NHSL1: variants seen among roughly 807,000 people sequenced by gnomAD.
NHSL1 encodes NHS-like protein 1.
NHSL1 carries 48 observed loss-of-function variants against 95.0 expected under a neutral mutation model. That is an observed-to-expected ratio of 0.51 (90% CI 0.40 to 0.64). The LOEUF (loss-of-function observed/expected upper bound fraction) is 0.64, where lower values mean the gene tolerates loss of function less well. NHSL1 is among the 30% of genes least tolerant of loss of function. NHSL1 has a pLI of 0.00. For missense variants in NHSL1, 1,971 were observed against 2,077.7 expected (o/e 0.95, Z 1.00); for synonymous variants, 783 against 833.9 (o/e 0.94, Z 1.05).
intron 1 of NHSL1, among the ~76,000 whole-genome samples, chr6:138,522,598 G>A (rs1255488274): frequency 6.6e-6 from 1 of 152,142 alleles, no homozygotes; most frequent in Non-Finnish European, 1.5e-5. Context: ...CCGAGATCAC[G>A]CCATTACACT....
intron 1 of NHSL1, among the ~76,000 whole-genome samples, chr6:138,561,719 C>T (rs1414211905): frequency 6.6e-6 from 1 of 152,172 alleles, no homozygotes; most frequent in African/African-American, 2.4e-5. Context: ...TGCACTCAAA[C>T]ACTAGAAATT....
chr6:138,499,337 G>C lies in NHSL1; in HGVS notation c.-47C>G. On this transcript the variant is annotated 5_prime_UTR_variant, in exon 1 of 8. Coordinates refer to ENST00000343505, the MANE Select transcript of NHSL1 (RefSeq NM_001144060.2). ...CTTAGAAATGTAAATCACATTAAAA[G>C]CTCAGCCCAGTAGGCAGGTGGCAAG... The C allele has an allele frequency of 6.5e-7, 1 of 1,546,318 alleles. No individual in the cohort carries two copies. Among genetic ancestry groups the C allele is most frequent in the Non-Finnish European group, 8.7e-7 (1 of 1,144,232 alleles).
At chr6:138,553,169 AG>A (rs1783073503) in intron 1 of NHSL1, among the ~76,000 whole-genome samples, 1 of 152,204 alleles carries the variant, frequency 6.6e-6, no homozygotes, top group South Asian at 2.1e-4. Context: ...ACTTGTACTC[AG>A]TATTTTTTTC....
At chr6:138,616,487 G>T (rs1183744515) in intron 1 of NHSL1, among the ~76,000 whole-genome samples, 7 of 152,098 alleles carry the variant, frequency 4.6e-5, no homozygotes, top group African/African-American at 1.2e-4. Context: ...AATAGAGAAA[G>T]GGGGAGGAAG....
chr6:138,559,075 A>G (rs983780040), intron 1 of NHSL1, among the ~76,000 whole-genome samples: 1 of 152,092 alleles, frequency 6.6e-6, no homozygotes, highest in Non-Finnish European at 1.5e-5. Flanking sequence ...AAAAAAGAAA[A>G]CCACCAAAAC....
intron 1 of NHSL1, among the ~76,000 whole-genome samples, chr6:138,583,569 A>G (rs1350568417): frequency 2.0e-5 from 3 of 152,170 alleles, no homozygotes; most frequent in Non-Finnish European, 2.9e-5. Flanking sequence ...TCCAGACTGT[A>G]AACCACCCAA....
At chr6:138,657,257 T>G (rs1000824742) in intron 1 of NHSL1, among the ~76,000 whole-genome samples, 8 of 152,242 alleles carry the variant, frequency 5.3e-5, no homozygotes, top group Middle Eastern at 3.2e-3. Context: ...TTTTGGAAGA[T>G]CCACAGATCC....
At chr6:138,541,674 T>C (rs1782586203) in intron 1 of NHSL1, among the ~76,000 whole-genome samples, 1 of 152,140 alleles carries the variant, frequency 6.6e-6, no homozygotes. Flanking sequence ...GTGAACTAAG[T>C]TCAATTTTGT....
intron 2 of NHSL1, among the ~76,000 whole-genome samples, chr6:138,495,023 A>C (rs191090607): frequency 6.6e-6 from 1 of 152,302 alleles, no homozygotes; most frequent in East Asian, 1.9e-4. Flanking sequence ...TGGGTGGATC[A>C]CATGAGGTCA....
chr6:138,541,619 C>T (rs1782584004), intron 1 of NHSL1, among the ~76,000 whole-genome samples: 1 of 152,178 alleles, frequency 6.6e-6, no homozygotes, highest in Non-Finnish European at 1.5e-5. Flanking sequence ...ACTGAGCTAT[C>T]TAATGCAACT....
chr6:138,570,047 T>C (rs1177358957), intron 1 of NHSL1, among the ~76,000 whole-genome samples: 1 of 152,234 alleles, frequency 6.6e-6, no homozygotes, highest in Non-Finnish European at 1.5e-5. Context: ...ATGACTTCTT[T>C]ATTTTCCACA....
At chr6:138,442,219 T>C (rs1481556888) in intron 4 of NHSL1, 105 bp from the exon 5 acceptor site, 1 of 1,175,980 alleles carries the variant, frequency 8.5e-7, no homozygotes, top group Non-Finnish European at 1.1e-6. Context: ...AAGGTATTAA[T>C]AATGTTAGCC....
rs558651804 is a variant in NHSL1 at position 138,478,851 on chromosome 6, G to A, written c.212-5418C>T. Among the ~76,000 whole-genome samples the A allele has an allele frequency of 3.4e-4, 52 of 152,080 alleles. 1 individual carries two copies. The South Asian group carries it at 6.2e-3, about 18-fold the overall frequency. ...CTTAAATTTCCTCCTCCTTCCTTTC[G>A]TGTCAATCCATTTTCCATAGCACAA... On this transcript the variant is annotated intron_variant, in intron 2 of 7. Transcript: ENST00000343505.
chr6:138,603,696 C>A (rs1249653799), intron 1 of NHSL1, among the ~76,000 whole-genome samples: 1 of 152,200 alleles, frequency 6.6e-6, no homozygotes, highest in Non-Finnish European at 1.5e-5. Flanking sequence ...TACTTTAAGT[C>A]TCTTATTCTA....
At chr6:138,453,897 C>A (rs573596476) in intron 3 of NHSL1, among the ~76,000 whole-genome samples, 96 of 152,304 alleles carry the variant, frequency 6.3e-4, no homozygotes, top group African/African-American at 2.1e-3. Flanking sequence ...TATTTTGGAT[C>A]TTAACTATCC....
intron 1 of NHSL1, among the ~76,000 whole-genome samples, chr6:138,600,528 T>G (rs964518366): frequency 6.6e-6 from 1 of 152,212 alleles, no homozygotes; most frequent in African/African-American, 2.4e-5. Context: ...AAACTTTTAT[T>G]TTACCTTTTA....
At chr6:138,500,949 C>T (rs1215064258), upstream of NHSL1, among the ~76,000 whole-genome samples, 2 of 152,134 alleles carry the variant, frequency 1.3e-5, no homozygotes, top group Admixed American at 1.3e-4. Flanking sequence ...AACGACTGAG[C>T]CTGTAAGTCA....
At chr6:138,438,689 A>G (rs911402271) in intron 5 of NHSL1, among the ~76,000 whole-genome samples, 1 of 152,190 alleles carries the variant, frequency 6.6e-6, no homozygotes, top group Non-Finnish European at 1.5e-5. Context: ...TCTAAAAAAT[A>G]TATGTAATTA....
intron 1 of NHSL1, among the ~76,000 whole-genome samples, chr6:138,556,703 G>A (rs1264672800): frequency 6.6e-6 from 1 of 151,774 alleles, no homozygotes; most frequent in African/African-American, 2.4e-5. Context: ...AGCTTTTTCA[G>A]CCACATTTTA....
Sources: gnomAD v4.1 joint callset for allele counts (sites outside exome capture counted in the v4.1 genomes callset) on GRCh38, gnomAD v4.1.1 for gene constraint, MANE v1.5 for transcripts, NCBI Gene and HGNC (gene_info 2026-07-23, HGNC 2026-07-21) for gene names.